Variants in VWA3B observed in about 807,000 individuals in gnomAD.
The protein encoded by VWA3B is von Willebrand factor A domain containing 3B.
A neutral mutation model predicts 158.3 loss-of-function variants in VWA3B; 138 were observed. The ratio of observed to expected loss-of-function variants is 0.87; its 90% CI spans 0.76 to 1.00. The LOEUF is 1.00. VWA3B is among the 50% of genes least tolerant of loss of function. The pLI is 0.00. For synonymous variants in VWA3B, 596 were observed against 587.3 expected, an observed-to-expected ratio of 1.01 and a Z score of -0.21; for missense variants, 1,555 against 1,565.1, an observed-to-expected ratio of 0.99 and a Z score of 0.11.
At chr2:98,209,277 G>T (rs958041428) in intron 12 of VWA3B, among the ~76,000 whole-genome samples, 3 of 151,598 alleles carry the variant, frequency 2.0e-5, no homozygotes, top group South Asian at 2.1e-4. Flanking sequence ...TTGTTTTTTT[G>T]TTTGTTTGTT....
chr2:98,226,146 T>G (rs929645547), intron 14 of VWA3B, among the ~76,000 whole-genome samples: 5 of 151,904 alleles, frequency 3.3e-5, no homozygotes, highest in African/African-American at 4.8e-5. Flanking sequence ...AAAAGAAAAA[T>G]AAAATGGGAA....
intron 12 of VWA3B, among the ~76,000 whole-genome samples, chr2:98,199,649 T>G (rs187974948): frequency 3.3e-5 from 5 of 152,268 alleles, no homozygotes; most frequent in Non-Finnish European, 1.5e-5. Context: ...CGCTCCAGAG[T>G]TAGGTATTAT....
At chr2:98,129,280 AGGAGAGAGAG>A in intron 6 of VWA3B, among the ~76,000 whole-genome samples, 1 of 140,806 alleles carries the variant, frequency 7.1e-6, no homozygotes, top group African/African-American at 2.7e-5. Context: ...GAGGAGAGAG[AGGAGAGAGAG>A]GAGAGAGAGA....
intron 22 of VWA3B, among the ~76,000 whole-genome samples, chr2:98,271,535 A>G (rs933386471): frequency 1.3e-5 from 2 of 152,262 alleles, no homozygotes; most frequent in South Asian, 2.1e-4. Flanking sequence ...TAAATTTAGC[A>G]TTATTTCATA....
intron 5 of VWA3B, among the ~76,000 whole-genome samples, chr2:98,127,188 T>G (rs1486227793): frequency 6.6e-6 from 1 of 152,234 alleles, no homozygotes; most frequent in Non-Finnish European, 1.5e-5. Flanking sequence ...GGGACATTTA[T>G]AGGCCAGGTT....
intron 22 of VWA3B, among the ~76,000 whole-genome samples, chr2:98,279,582 A>G (rs1379642035): frequency 6.6e-6 from 1 of 152,066 alleles, no homozygotes; most frequent in African/African-American, 2.4e-5. Flanking sequence ...TAATGAAGGA[A>G]CTCTTTGCAG....
At chr2:98,158,518 G>C (rs377553819) in intron 7 of VWA3B, among the ~76,000 whole-genome samples, 4 of 152,180 alleles carry the variant, frequency 2.6e-5, no homozygotes, top group Non-Finnish European at 5.9e-5. Flanking sequence ...ACCATCACAG[G>C]CTTCTAGTTC....
chr2:98,235,290 A>T lies in VWA3B; in HGVS notation c.2428+523A>T, dbSNP rs189627509. 1.7e-4 allele frequency among the ~76,000 whole-genome samples: 26 copies of T among 152,324 alleles called. No homozygotes were observed. The East Asian group carries it at 4.4e-3, about 26-fold the overall frequency. On this transcript the variant is annotated intron_variant, in intron 17 of 27. Transcript: ENST00000477737. ...GGTTGATACATTTAAAATCCCAGTT[A>T]AACACACACATATACACACAATCCC...
At chr2:98,280,115 G>A (rs867597563) in intron 22 of VWA3B, among the ~76,000 whole-genome samples, 5 of 152,276 alleles carry the variant, frequency 3.3e-5, no homozygotes, top group African/African-American at 9.6e-5. Context: ...TCAGGAACGC[G>A]AAATTACAAA....
intron 19 of VWA3B, chr2:98,245,748 T>C (rs1686352106): frequency 2.9e-6 from 1 of 350,358 alleles, no homozygotes; most frequent in African/African-American, 2.1e-5. Flanking sequence ...TACAGACTTC[T>C]AACGGGGTAT....
intron 22 of VWA3B, among the ~76,000 whole-genome samples, chr2:98,276,743 C>T (rs1419943196): frequency 4.0e-5 from 6 of 149,352 alleles, no homozygotes; most frequent in Non-Finnish European, 3.0e-5. Flanking sequence ...AGGGCTGTGG[C>T]CATTGCATTT....
In VWA3B at chr2:98,298,448, C is replaced by CT. The variant is rs1558773950; in HGVS notation, c.3282+417_3282+418insT. Among the ~76,000 whole-genome samples the CT allele has an allele frequency of 5.4e-3, 483 of 89,102 alleles. 1 individual carries two copies. The highest frequency in any genetic ancestry group is 0.039 in the Middle Eastern group (6 of 154). The allele number at this position is 89,102 out of a possible 152,430, so 58.5% of individuals were successfully genotyped here. A position where few individuals can be genotyped will look rare whatever the true frequency, so the allele number is the denominator to read the frequency against. ...TATTCTATTCTATTCTATTCTATGC[C>CT]ATGCCATGCCATGCCATGCCATCCC... On this transcript the variant is annotated intron_variant, in intron 24 of 27. Transcript: ENST00000477737.
intron 2 of VWA3B, among the ~76,000 whole-genome samples, chr2:98,106,250 T>C (rs1169870464): frequency 6.6e-6 from 1 of 152,180 alleles, no homozygotes; most frequent in Non-Finnish European, 1.5e-5. Flanking sequence ...TCTGTGTTTC[T>C]CTGTCAATAT....
chr2:98,246,579 A>G (rs1458997667), intron 19 of VWA3B, among the ~76,000 whole-genome samples: 1 of 151,792 alleles, frequency 6.6e-6, no homozygotes, highest in East Asian at 1.9e-4. Context: ...ACAGGGTTTC[A>G]CCATGTTGGC....
At chr2:98,325,612 A>G in the VWA3B span, among the ~76,000 whole-genome samples, 1 of 152,200 alleles carries the variant, frequency 6.6e-6, no homozygotes, top group Non-Finnish European at 1.5e-5. Context: ...CTGAAATAAC[A>G]ATTACCCAGG....
chr2:98,250,118 T>C (rs1198247161), intron 19 of VWA3B, among the ~76,000 whole-genome samples, 200 bp from the exon 20 acceptor site: 2 of 152,150 alleles, frequency 1.3e-5, no homozygotes, highest in Non-Finnish European at 2.9e-5. Context: ...AAATATATAG[T>C]TTTAAACATT....
intron 12 of VWA3B, chr2:98,206,499 G>C (rs555032338): frequency 1.4e-4 from 67 of 468,820 alleles, no homozygotes; most frequent in Non-Finnish European, 2.5e-4. Flanking sequence ...GGTACAGAAG[G>C]CTTGTTTAGA....
chr2:98,183,091 T>A (rs1680726843), intron 9 of VWA3B, among the ~76,000 whole-genome samples: 1 of 151,966 alleles, frequency 6.6e-6, no homozygotes, highest in Non-Finnish European at 1.5e-5. Flanking sequence ...TCACTTTGAA[T>A]AATTTGGCTT....
intron 7 of VWA3B, among the ~76,000 whole-genome samples, chr2:98,158,704 G>A (rs542500022): frequency 7.8e-4 from 47 of 60,432 alleles, no homozygotes; most frequent in African/African-American, 3.6e-3. Flanking sequence ...GCAGCTCACC[G>A]TTTCCTGGGG....
Sources: gnomAD v4.1 joint callset for allele counts (sites outside exome capture counted in the v4.1 genomes callset) on GRCh38, gnomAD v4.1.1 for gene constraint, MANE v1.5 for transcripts, NCBI Gene and HGNC (gene_info 2026-07-23, HGNC 2026-07-21) for gene names.